Variants in FGF14 observed in about 807,000 individuals in gnomAD.
FGF14 encodes fibroblast growth factor homologous factor 4.
Under a neutral mutation model 25.5 loss-of-function variants are expected in FGF14, and 5 were observed. The observed-to-expected ratio is 0.20, with a 90% CI of 0.10 to 0.41. The LOEUF (loss-of-function observed/expected upper bound fraction) is 0.41, where lower values mean the gene tolerates loss of function less well. Ranked by LOEUF, FGF14 falls within the 10% of genes least tolerant of loss-of-function variation. The probability of loss-of-function intolerance (pLI) is 1.00; values close to 1 mark genes in which losing one functional copy is unlikely to be tolerated. For synonymous variants in FGF14, 138 were observed against 118.3 expected (o/e 1.17, Z -1.08); for missense variants, 222 against 320.1 (o/e 0.69, Z 2.34).
At chr13:102,229,926 A>G (rs1478720354) in intron 1 of FGF14, among the ~76,000 whole-genome samples, 1 of 152,170 alleles carries the variant, frequency 6.6e-6, no homozygotes, top group Non-Finnish European at 1.5e-5. Context: ...TCTGTTATTC[A>G]ATTCATTAAA....
At chr13:101,821,659 C>T (rs533469895) in intron 3 of FGF14, among the ~76,000 whole-genome samples, 3 of 152,222 alleles carry the variant, frequency 2.0e-5, no homozygotes, top group Admixed American at 6.5e-5. Flanking sequence ...TGCCAATAGC[C>T]GTATATGAGA....
At chr13:102,282,554 A>G (rs1410608039) in intron 1 of FGF14, among the ~76,000 whole-genome samples, 1 of 152,132 alleles carries the variant, frequency 6.6e-6, no homozygotes, top group Non-Finnish European at 1.5e-5. Flanking sequence ...TCTACAACAC[A>G]ATCTCCTCAT....
intron 1 of FGF14, among the ~76,000 whole-genome samples, chr13:102,171,771 T>G (rs72665338): frequency 6.6e-6 from 1 of 152,208 alleles, no homozygotes; most frequent in Non-Finnish European, 1.5e-5. Context: ...AGTATTTTTA[T>G]GAGAGCTGTT....
chr13:101,841,815 T>C (rs1423116706), intron 3 of FGF14, among the ~76,000 whole-genome samples: 1 of 151,878 alleles, frequency 6.6e-6, no homozygotes, highest in Non-Finnish European at 1.5e-5. Flanking sequence ...ATCATCTGTG[T>C]CCCTGAATTA....
chr13:102,267,503 CATATGAAATGTATTGGCCATTTTTAAAGT>C (rs2053047373), intron 1 of FGF14, among the ~76,000 whole-genome samples: 2 of 152,038 alleles, frequency 1.3e-5, no homozygotes, highest in African/African-American at 4.8e-5. Flanking sequence ...CATTGAAGGA[CATATGAAATGTATTGGCCATTTTTAAAGT>C]TATGTATCAT....
chr13:102,151,880 T>C (rs1487599553), intron 1 of FGF14, among the ~76,000 whole-genome samples: 2 of 152,226 alleles, frequency 1.3e-5, no homozygotes, highest in Admixed American at 1.3e-4. Context: ...TTTATATTTA[T>C]GTAACTCTAT....
chr13:102,316,031 C>A (rs2056005349), intron 1 of FGF14, among the ~76,000 whole-genome samples: 1 of 152,168 alleles, frequency 6.6e-6, no homozygotes, highest in African/African-American at 2.4e-5. Context: ...AAGAATAAAG[C>A]ATTTGGCCAG....
chr13:102,065,674 G>T (rs993706941), intron 1 of FGF14, among the ~76,000 whole-genome samples: 2 of 151,828 alleles, frequency 1.3e-5, no homozygotes, highest in African/African-American at 4.8e-5. Flanking sequence ...AGTATCCCTG[G>T]ATTCTGCATC....
At chr13:102,036,725 C>G (rs77231287) in intron 1 of FGF14, among the ~76,000 whole-genome samples, 3,663 of 151,874 alleles carry the variant, frequency 0.024, 134 homozygotes, top group African/African-American at 0.082. Context: ...AAAAGAAGAA[C>G]AACAACAACA....
chr13:102,014,197 G>A (rs111822315), intron 1 of FGF14, among the ~76,000 whole-genome samples: 4,861 of 151,840 alleles, frequency 0.032, 247 homozygotes, highest in African/African-American at 0.11. Flanking sequence ...TACACATTGT[G>A]CACATGTACC....
chr13:102,305,712 G>A (rs910885893), intron 1 of FGF14, among the ~76,000 whole-genome samples: 2 of 152,112 alleles, frequency 1.3e-5, no homozygotes, highest in Non-Finnish European at 2.9e-5. Context: ...CCTCCTTGGA[G>A]TGATATTACA....
intron 1 of FGF14, among the ~76,000 whole-genome samples, chr13:102,158,352 G>A (rs1466883749): frequency 6.6e-6 from 1 of 152,140 alleles, no homozygotes; most frequent in Admixed American, 6.6e-5. Flanking sequence ...AAAAAATGAT[G>A]AGTTCACGTC....
chr13:101,981,693 G>T (rs751595830), intron 1 of FGF14, among the ~76,000 whole-genome samples: 1 of 152,120 alleles, frequency 6.6e-6, no homozygotes, highest in African/African-American at 2.4e-5. Context: ...TTATACTAGG[G>T]TGGGAAGAAG....
At chr13:101,812,657 T>A (rs1271335760) in intron 3 of FGF14, among the ~76,000 whole-genome samples, 2 of 73,408 alleles carry the variant, frequency 2.7e-5, no homozygotes, top group Non-Finnish European at 5.2e-5. Context: ...ATATATATTT[T>A]TTTTTTTTTT....
intron 1 of FGF14, among the ~76,000 whole-genome samples, chr13:101,890,112 A>G (rs2046194241): frequency 6.6e-6 from 1 of 152,200 alleles, no homozygotes. Context: ...AACAAAACAA[A>G]AGACATAGCT....
intron 1 of FGF14, among the ~76,000 whole-genome samples, chr13:102,097,483 C>G (rs1036447876): frequency 2.0e-5 from 3 of 152,124 alleles, no homozygotes; most frequent in Non-Finnish European, 4.4e-5. Flanking sequence ...TATTTATCAC[C>G]TTCCCTTTTA....
At position 101,719,350 on chromosome 13, in the gene FGF14, G is replaced by A. The variant is rs1258784237; in HGVS notation, c.*3481C>T. 1 of 152,024 alleles carries A rather than the reference G, an allele frequency of 6.6e-6. No individual in the cohort carries two copies. Among genetic ancestry groups the A allele is most frequent in the Non-Finnish European group, 1.5e-5 (1 of 68,010 alleles). The allele number at this position is 152,024 out of a possible 1,614,324, so 9.4% of individuals were successfully genotyped here. A position where few individuals can be genotyped will look rare whatever the true frequency, so the allele number is the denominator to read the frequency against. The stretch of plus-strand genomic sequence containing the variant: ...AAGAGGCAAACTATTAGAAGAACTG[G>A]AGCGGGAGTCCTTTGGACCCATCGT... On this transcript the variant is annotated 3_prime_UTR_variant, in exon 5 of 5. Coordinates refer to ENST00000376143, the MANE Select transcript of FGF14 (RefSeq NM_004115.4).
intron 1 of FGF14, among the ~76,000 whole-genome samples, chr13:102,161,632 A>AG (rs1566764778): frequency 8.3e-5 from 1 of 12,098 alleles, no homozygotes; most frequent in Non-Finnish European, 1.7e-4. Flanking sequence ...GAAGAAGAAG[A>AG]AGAAGAAGAA....
chr13:102,323,957 ATGTGTGTGTG>A (rs3066051), intron 1 of FGF14, among the ~76,000 whole-genome samples: 3,845 of 136,486 alleles, frequency 0.028, 62 homozygotes, highest in African/African-American at 0.049. Context: ...AACGTGCAGT[ATGTGTGTGTG>A]TGTGTGTGTG....
Sources: gnomAD v4.1 joint callset for allele counts (sites outside exome capture counted in the v4.1 genomes callset) on GRCh38, gnomAD v4.1.1 for gene constraint, MANE v1.5 for transcripts, NCBI Gene and HGNC (gene_info 2026-07-23, HGNC 2026-07-21) for gene names.